WWOX: variants seen among roughly 807,000 people sequenced by gnomAD.
WWOX encodes WW domain-containing oxidoreductase.
Under a neutral mutation model 46.2 loss-of-function variants are expected in WWOX, and 69 were observed. The observed-to-expected ratio is 1.49, with a 90% confidence interval of 1.23 to 1.82. The LOEUF is 1.82. Ranked by LOEUF, WWOX falls within the 40% of genes most tolerant of loss-of-function variation. The pLI is 0.00. For synonymous variants in WWOX, 359 were observed against 202.6 expected (o/e 1.77, Z -6.56); for missense variants, 919 against 542.6 (o/e 1.69, Z -6.89).
chr16:78,517,325 C>A (rs1170213288), intron 8 of WWOX, among the ~76,000 whole-genome samples: 1 of 148,206 alleles, frequency 6.7e-6, no homozygotes, highest in Non-Finnish European at 1.5e-5. Context: ...CACCCACCCA[C>A]CCCTTTATTC....
chr16:78,726,500 T>C (rs1334836527), intron 8 of WWOX, among the ~76,000 whole-genome samples: 1 of 152,076 alleles, frequency 6.6e-6, no homozygotes, highest in Non-Finnish European at 1.5e-5. Flanking sequence ...TTCCAAAGTG[T>C]TAAGATTACA....
At chr16:78,943,527 T>C (rs1358978023) in intron 8 of WWOX, among the ~76,000 whole-genome samples, 1 of 152,176 alleles carries the variant, frequency 6.6e-6, no homozygotes, top group Non-Finnish European at 1.5e-5. Context: ...TATCGAGCTT[T>C]ATCAGAGCAG....
chr16:78,519,881 T>C (rs1212169321), intron 8 of WWOX, among the ~76,000 whole-genome samples: 1 of 152,194 alleles, frequency 6.6e-6, no homozygotes, highest in South Asian at 2.1e-4. Flanking sequence ...GCCACCTAAG[T>C]TATACTATTT....
intron 8 of WWOX, among the ~76,000 whole-genome samples, chr16:79,140,681 A>C (rs575246251): frequency 2.0e-5 from 3 of 152,340 alleles, no homozygotes; most frequent in Non-Finnish European, 4.4e-5. Flanking sequence ...TTTAGAGGCC[A>C]GTTGGCTTCA....
intron 8 of WWOX, among the ~76,000 whole-genome samples, chr16:78,867,484 T>TTGTGTGTGTGTG (rs4035599): frequency 2.0e-5 from 3 of 148,886 alleles, no homozygotes; most frequent in African/African-American, 7.4e-5. Flanking sequence ...TTAAATGATT[T>TTGTGTGTGTGTG]TGTGTGTGTG....
intron 8 of WWOX, among the ~76,000 whole-genome samples, chr16:78,516,142 G>A (rs1418007483): frequency 6.6e-6 from 1 of 152,112 alleles, no homozygotes; most frequent in African/African-American, 2.4e-5. Context: ...TCTTTCCGCA[G>A]TGCCCAGGCC....
chr16:78,953,597 G>A (rs533018050), intron 8 of WWOX, among the ~76,000 whole-genome samples: 1 of 152,236 alleles, frequency 6.6e-6, no homozygotes, highest in East Asian at 1.9e-4. Flanking sequence ...CCCCTCCACT[G>A]TTGCCTCAAT....
intron 5 of WWOX, among the ~76,000 whole-genome samples, chr16:78,243,638 C>T (rs753273426): frequency 5.9e-5 from 9 of 152,286 alleles, no homozygotes; most frequent in Non-Finnish European, 1.2e-4. Flanking sequence ...CCTCCACCTC[C>T]TGGGTTCAAG....
intron 5 of WWOX, among the ~76,000 whole-genome samples, chr16:78,374,118 T>C (rs984703131): frequency 6.6e-6 from 1 of 152,222 alleles, no homozygotes; most frequent in African/African-American, 2.4e-5. Context: ...ATAGAATTTC[T>C]TTTTATCTGA....
At chr16:78,652,529 A>G (rs777815334) in intron 8 of WWOX, among the ~76,000 whole-genome samples, 1 of 152,134 alleles carries the variant, frequency 6.6e-6, no homozygotes, top group East Asian at 1.9e-4. Flanking sequence ...TAAATTATGC[A>G]GACCCCTCAG....
intron 8 of WWOX, among the ~76,000 whole-genome samples, chr16:78,937,196 G>A (rs916782215): frequency 6.6e-6 from 1 of 152,066 alleles, no homozygotes; most frequent in African/African-American, 2.4e-5. Context: ...TTTGGAGAGG[G>A]GAGCAGAGCA....
Position 79,062,346 on chromosome 16 carries a change from A to G in WWOX, c.1057-149262A>G, listed in dbSNP as rs1218573101. 2.0e-5 allele frequency among the ~76,000 whole-genome samples: 3 copies of G among 152,198 alleles called. No homozygotes were observed. In the East Asian group the frequency reaches 5.8e-4, roughly 29 times the overall value. On this transcript the variant is annotated intron_variant, in intron 8 of 8. Coordinates refer to ENST00000566780, the MANE Select transcript of WWOX (RefSeq NM_016373.4). The stretch of plus-strand genomic sequence containing the variant: ...AATTATCTTCAGTTGGATGGAGAAA[A>G]GGTAATGGGGACCTCATAATAGTCG...
intron 5 of WWOX, among the ~76,000 whole-genome samples, chr16:78,228,121 C>G (rs2037129256): frequency 6.6e-6 from 1 of 152,094 alleles, no homozygotes; most frequent in African/African-American, 2.4e-5. Flanking sequence ...TGTCTCTTTC[C>G]TCCCCTGGGG....
intron 8 of WWOX, among the ~76,000 whole-genome samples, chr16:78,839,599 G>C (rs2052083962): frequency 6.6e-6 from 1 of 152,142 alleles, no homozygotes; most frequent in African/African-American, 2.4e-5. Flanking sequence ...ATCCCAGCCT[G>C]TCAGCACATA....
At chr16:78,814,746 ACATGGCAGTGTATAAGACATTACAGC>A (rs1201737757) in intron 8 of WWOX, among the ~76,000 whole-genome samples, 1 of 152,218 alleles carries the variant, frequency 6.6e-6, no homozygotes, top group Non-Finnish European at 1.5e-5. Flanking sequence ...AACTAATGTG[ACATGGCAGTGTATAAGACATTACAGC>A]CAAGGCCTTC....
chr16:79,050,298 C>T (rs2048142426), intron 8 of WWOX, among the ~76,000 whole-genome samples: 1 of 152,150 alleles, frequency 6.6e-6, no homozygotes, highest in Admixed American at 6.5e-5. Context: ...GGGCTTTCTG[C>T]CCTAGGCTGG....
At position 79,124,241 on chromosome 16, in the gene WWOX, A is replaced by G. The variant is rs561917511; in HGVS notation, c.1057-87367A>G. Among the ~76,000 whole-genome samples the G allele has an allele frequency of 2.6e-5, 4 of 152,252 alleles. No homozygotes were observed. In the East Asian group the frequency reaches 5.8e-4, roughly 22 times the overall value. On this transcript the variant is annotated intron_variant, in intron 8 of 8. Transcript: ENST00000566780. Reference sequence around the variant, plus strand: ...ATTAGAGCGTGCCCCCTGCCCCAGAACTGGTCAAACGGTGCAGAGCGCTCG... The same window carrying G: ...ATTAGAGCGTGCCCCCTGCCCCAGAGCTGGTCAAACGGTGCAGAGCGCTCG...
chr16:78,430,866 G>A (rs973697026), intron 7 of WWOX, among the ~76,000 whole-genome samples: 1 of 152,146 alleles, frequency 6.6e-6, no homozygotes, highest in East Asian at 1.9e-4. Flanking sequence ...TTCTGCCCTT[G>A]CCATGCTTTT....
chr16:78,117,903 C>T (rs886336249), intron 4 of WWOX, among the ~76,000 whole-genome samples: 6 of 152,092 alleles, frequency 3.9e-5, no homozygotes, highest in South Asian at 2.1e-4. Context: ...TTCTCTAAGG[C>T]GGGGTGGGCT....
Sources: allele counts gnomAD v4.1 joint callset (sites outside exome capture counted in the v4.1 genomes callset), GRCh38; gene constraint gnomAD v4.1.1; transcripts MANE v1.5; gene names NCBI Gene and HGNC (gene_info 2026-07-23, HGNC 2026-07-21).